SCAPER: variants seen among roughly 807,000 people sequenced by gnomAD.
SCAPER encodes the protein S phase cyclin A-associated protein in the endoplasmic reticulum.
A neutral mutation model predicts 182.2 loss-of-function variants in SCAPER; 98 were observed. That is an observed-to-expected ratio of 0.54 (90% CI 0.46 to 0.64). The LOEUF (loss-of-function observed/expected upper bound fraction) is 0.64. SCAPER is among the 30% of genes least tolerant of loss of function. SCAPER has a pLI of 0.00. For missense variants in SCAPER, 1,432 were observed against 1,690.0 expected, an observed-to-expected ratio of 0.85 and a Z score of 2.68; for synonymous variants, 605 against 564.6, an observed-to-expected ratio of 1.07 and a Z score of -1.01.
intron 15 of SCAPER, among the ~76,000 whole-genome samples, chr15:76,738,124 A>G (rs1386516600): frequency 6.6e-6 from 1 of 152,138 alleles, no homozygotes; most frequent in Non-Finnish European, 1.5e-5. Context: ...CCTAGCTTTC[A>G]GTTTATCCCA....
intron 29 of SCAPER, among the ~76,000 whole-genome samples, chr15:76,373,040 C>CTTTA (rs60225060): frequency 0.83 from 123,051 of 148,086 alleles, 52,497 homozygotes; most frequent in Middle Eastern, 0.95. Context: ...TTTCCTTTTT[C>CTTTA]TTTCTTTCTT....
At chr15:76,733,488 C>A in intron 15 of SCAPER, 104 bp from the exon 16 acceptor site, 1 of 1,350,440 alleles carries the variant, frequency 7.4e-7, no homozygotes, top group Non-Finnish European at 9.9e-7. Context: ...GTGGTTCACG[C>A]CTGTGATCCT....
intron 8 of SCAPER, among the ~76,000 whole-genome samples, chr15:76,778,188 T>C (rs1315187273): frequency 2.0e-5 from 3 of 152,180 alleles, no homozygotes; most frequent in South Asian, 4.1e-4. Flanking sequence ...TCATCTTTCA[T>C]AGTAATGCAA....
chr15:76,871,080 C>T (rs2151914864), intron 2 of SCAPER, among the ~76,000 whole-genome samples: 1 of 152,186 alleles, frequency 6.6e-6, no homozygotes, highest in Middle Eastern at 3.4e-3. Context: ...AAGTAAGTAA[C>T]TGCCATGCAG....
rs144322485 is a variant in SCAPER, at chr15:76,877,828, G to T, written c.6+5984C>A. Among the ~76,000 whole-genome samples the T allele has an allele frequency of 3.9e-5, 6 of 152,178 alleles. No individual in the cohort carries two copies. In the East Asian group the frequency reaches 1.2e-3, roughly 29 times the overall value. On this transcript the variant is annotated intron_variant, in intron 2 of 31. Transcript: ENST00000563290. ...GATCAAGAAGAAAATAACTATAAAAGACATCATTCAGATAATGACAAATTT... is the reference window on the plus strand; with the variant it reads ...GATCAAGAAGAAAATAACTATAAAATACATCATTCAGATAATGACAAATTT...
chr15:76,841,430 T>C (rs1319518901), intron 5 of SCAPER, among the ~76,000 whole-genome samples: 1 of 152,034 alleles, frequency 6.6e-6, no homozygotes, highest in Non-Finnish European at 1.5e-5. Context: ...GTGGATCACT[T>C]AAGGTCAGGA....
intron 2 of SCAPER, among the ~76,000 whole-genome samples, chr15:76,872,126 G>C (rs2072774239): frequency 6.6e-6 from 1 of 151,868 alleles, no homozygotes; most frequent in Admixed American, 6.6e-5. Flanking sequence ...CAGCGAACTG[G>C]AAAATGGAAA....
chr15:76,685,142 A>G (rs2057957846), intron 20 of SCAPER, among the ~76,000 whole-genome samples: 1 of 152,068 alleles, frequency 6.6e-6, no homozygotes, highest in Non-Finnish European at 1.5e-5. Context: ...CCATAAGCCA[A>G]TATTTAGAAA....
intron 5 of SCAPER, among the ~76,000 whole-genome samples, chr15:76,818,858 C>T (rs144881354): frequency 1.2e-4 from 19 of 152,340 alleles, no homozygotes; most frequent in South Asian, 8.3e-4. Context: ...GGGTGACAGA[C>T]GGCACCTGGA....
At chr15:76,472,069 C>T in intron 24 of SCAPER, 1 of 293,284 alleles carries the variant, frequency 3.4e-6, no homozygotes, top group Admixed American at 4.1e-5. Flanking sequence ...ATTCCTGCAT[C>T]CATAGCATAT....
intron 2 of SCAPER, among the ~76,000 whole-genome samples, chr15:76,863,605 G>A (rs915670138): frequency 6.6e-6 from 1 of 152,178 alleles, no homozygotes; most frequent in Non-Finnish European, 1.5e-5. Flanking sequence ...AAGCAAACAT[G>A]TAAGAGTAAA....
chr15:76,820,220 C>G (rs1331570516), intron 5 of SCAPER, among the ~76,000 whole-genome samples: 1 of 152,008 alleles, frequency 6.6e-6, no homozygotes, highest in Non-Finnish European at 1.5e-5. Flanking sequence ...ACCATTTGAC[C>G]CAGCCATCCC....
Position 76,596,054 on chromosome 15 carries a change from C to T in SCAPER, c.2712-21770G>A, listed in dbSNP as rs2049471511. Among the ~76,000 whole-genome samples, 2 of 120,642 alleles carry T rather than the reference C, an allele frequency of 1.7e-5. 1 individual carries two copies. Among genetic ancestry groups the T allele is most frequent in the South Asian group, 5.1e-4 (2 of 3,916 alleles). The allele number at this position is 120,642 out of a possible 152,430, so 79.1% of individuals were successfully genotyped here. On this transcript the variant is annotated intron_variant, in intron 22 of 31. Coordinates refer to ENST00000563290, the MANE Select transcript of SCAPER (RefSeq NM_020843.4). ...TGAAAAGATTAACAACATAGATGGA[C>T]CACTAGCCAGACTAATAAAGAAGAA...
At chr15:76,889,421 G>A (rs1256589445) in intron 1 of SCAPER, among the ~76,000 whole-genome samples, 2 of 152,100 alleles carry the variant, frequency 1.3e-5, no homozygotes, top group Non-Finnish European at 2.9e-5. Flanking sequence ...CTGTATTCAG[G>A]AGACCCATCT....
At chr15:76,769,287 C>A (rs997464988) in intron 10 of SCAPER, among the ~76,000 whole-genome samples, 9 of 150,698 alleles carry the variant, frequency 6.0e-5, no homozygotes, top group Admixed American at 5.9e-4. Flanking sequence ...CTAAAAAATA[C>A]AAAAAATTAG....
intron 23 of SCAPER, among the ~76,000 whole-genome samples, chr15:76,553,629 G>A (rs2045958934): frequency 6.6e-6 from 1 of 152,066 alleles, no homozygotes; most frequent in Non-Finnish European, 1.5e-5. Context: ...AGCACAGCAG[G>A]TTCCTAAACT....
intron 1 of SCAPER, among the ~76,000 whole-genome samples, chr15:76,891,075 A>G (rs1218489792): frequency 6.6e-6 from 1 of 152,236 alleles, no homozygotes; most frequent in African/African-American, 2.4e-5. Context: ...AAACCACATG[A>G]TTATCTCAAT....
At chr15:76,514,324 AACTG>A (rs1336380818) in intron 23 of SCAPER, among the ~76,000 whole-genome samples, 13 of 152,188 alleles carry the variant, frequency 8.5e-5, no homozygotes, top group Non-Finnish European at 1.8e-4. Context: ...TGAGACTGAC[AACTG>A]ACTAATAGGA....
At chr15:76,506,306 T>C (rs554554368) in intron 23 of SCAPER, among the ~76,000 whole-genome samples, 107 of 152,300 alleles carry the variant, frequency 7.0e-4, no homozygotes, top group Non-Finnish European at 1.3e-3. Flanking sequence ...AGGTGATGGA[T>C]ACCCCATTTA....
Sources: gnomAD v4.1 joint callset for allele counts (sites outside exome capture counted in the v4.1 genomes callset) on GRCh38, gnomAD v4.1.1 for gene constraint, MANE v1.5 for transcripts, NCBI Gene and HGNC (gene_info 2026-07-23, HGNC 2026-07-21) for gene names.